Variants in GALK2 observed in about 807,000 individuals in gnomAD.
GALK2 encodes galactokinase 2, also known as N-acetylgalactosamine kinase.
Under a neutral mutation model 52.4 loss-of-function variants are expected in GALK2, and 36 were observed. The ratio of observed to expected loss-of-function variants is 0.69; its 90% CI spans 0.53 to 0.91. The LOEUF (loss-of-function observed/expected upper bound fraction) is 0.91, where lower values mean the gene tolerates loss of function less well. Among genes scored for constraint, GALK2 ranks in the 40% least tolerant of loss-of-function variants. GALK2 has a pLI of 0.00. For synonymous variants in GALK2, 176 were observed against 199.1 expected (o/e 0.88, Z 0.98); for missense variants, 579 against 559.1 (o/e 1.04, Z -0.36).
chr15:49,285,495 T>A (rs764018321), intron 7 of GALK2, among the ~76,000 whole-genome samples: 43 of 152,202 alleles, frequency 2.8e-4, no homozygotes, highest in Non-Finnish European at 5.9e-4. Context: ...CTTCTGTTGG[T>A]CTCATGCCCT....
chr15:49,226,190 C>T (rs768479700), intron 3 of GALK2, among the ~76,000 whole-genome samples: 53 of 152,264 alleles, frequency 3.5e-4, no homozygotes, highest in Middle Eastern at 6.8e-3. Context: ...GCCTACTCTC[C>T]AGGCAGATCC....
intron 7 of GALK2, among the ~76,000 whole-genome samples, chr15:49,289,239 T>C (rs1348133695): frequency 6.6e-6 from 1 of 152,150 alleles, no homozygotes; most frequent in Non-Finnish European, 1.5e-5. Context: ...AGGCACTCAG[T>C]AGACACTCAC....
exon 4 of GALK2, chr15:49,367,586 G>A (rs760190246): frequency 2.5e-6 from 4 of 1,596,574 alleles, no homozygotes; most frequent in Non-Finnish European, 2.6e-6. Context: ...ATTAAACTCT[G>A]GACCAGTACT....
intron 1 of GALK2, chr15:49,177,733 A>G (rs2085578680): frequency 2.5e-6 from 2 of 815,124 alleles, no homozygotes; most frequent in East Asian, 4.6e-5. Flanking sequence ...CAGCCCATGC[A>G]TCACCCTTTG....
chr15:49,265,975 G>A lies in GALK2; in HGVS notation c.505-16012G>A, dbSNP rs548621390. 9.2e-5 allele frequency among the ~76,000 whole-genome samples: 14 copies of A among 152,238 alleles called. No individual in the cohort carries two copies. In the South Asian group the frequency reaches 2.3e-3, roughly 25 times the overall value. ...CTTTTGCTGTGTAACAATTTTTTTC[G>A]AAATATAGTGGCTTAAGACTACCAC... On this transcript the variant is annotated intron_variant, in intron 5 of 9. Coordinates refer to ENST00000560031, the MANE Select transcript of GALK2 (RefSeq NM_002044.4).
intron 3 of GALK2, among the ~76,000 whole-genome samples, chr15:49,222,467 G>A (rs1400788054): frequency 6.6e-6 from 1 of 152,004 alleles, no homozygotes; most frequent in African/African-American, 2.4e-5. Context: ...TCTTTTTTGG[G>A]TTCCAGGTTT....
intron 5 of GALK2, among the ~76,000 whole-genome samples, chr15:49,270,731 A>G (rs2030396652): frequency 6.6e-6 from 1 of 152,232 alleles, no homozygotes; most frequent in Non-Finnish European, 1.5e-5. Flanking sequence ...GTTGACTCGG[A>G]TTATGATTCA....
chr15:49,289,918 A>G (rs923967467), intron 7 of GALK2, among the ~76,000 whole-genome samples: 2 of 152,158 alleles, frequency 1.3e-5, no homozygotes, highest in African/African-American at 4.8e-5. Flanking sequence ...TTTTTTGTCC[A>G]CAGAGCATGG....
intron 5 of GALK2, among the ~76,000 whole-genome samples, chr15:49,260,713 G>A (rs1002469977): frequency 1.3e-5 from 2 of 151,840 alleles, no homozygotes; most frequent in Admixed American, 1.3e-4. Context: ...TAACGTTTAA[G>A]TCTTTAATCC....
intron 5 of GALK2, among the ~76,000 whole-genome samples, chr15:49,262,067 A>T (rs928426192): frequency 1.1e-4 from 17 of 152,134 alleles, no homozygotes; most frequent in African/African-American, 3.6e-4. Context: ...TGACATCAGG[A>T]TGATGCTGGC....
intron 2 of GALK2, among the ~76,000 whole-genome samples, chr15:49,215,137 C>T (rs1401929930): frequency 6.6e-6 from 1 of 152,058 alleles, no homozygotes; most frequent in East Asian, 1.9e-4. Context: ...TTTTCTTTTT[C>T]TGCTTTTAGG....
At chr15:49,281,695 G>A (rs1317634774) in intron 5 of GALK2, among the ~76,000 whole-genome samples, 1 of 152,218 alleles carries the variant, frequency 6.6e-6, no homozygotes. Flanking sequence ...GAAGGATAGA[G>A]TAAATAGAAA....
At chr15:49,236,254 A>G (rs965169671) in intron 4 of GALK2, among the ~76,000 whole-genome samples, 1 of 152,202 alleles carries the variant, frequency 6.6e-6, no homozygotes, top group African/African-American at 2.4e-5. Context: ...TTACATTTAT[A>G]CTTGGGATGT....
chr15:49,263,668 T>A (rs1461901547), intron 5 of GALK2, among the ~76,000 whole-genome samples: 1 of 129,660 alleles, frequency 7.7e-6, no homozygotes, highest in African/African-American at 3.1e-5. Context: ...CTAGTCTCGA[T>A]GGTCTTTACA....
intron 5 of GALK2, among the ~76,000 whole-genome samples, chr15:49,248,525 C>T (rs1208283895): frequency 1.3e-5 from 2 of 152,202 alleles, no homozygotes; most frequent in Non-Finnish European, 2.9e-5. Context: ...CATGTGCTCA[C>T]TGGTACAAAA....
chr15:49,170,122 A>ACC, upstream of GALK2: 18 of 1,256,192 alleles, frequency 1.4e-5, no homozygotes, highest in Non-Finnish European at 1.9e-5. Context: ...CTTGGAGGGA[A>ACC]CCCTGGCTGA....
At chr15:49,173,211 G>A (rs1364431480) in intron 1 of GALK2, among the ~76,000 whole-genome samples, 1 of 152,076 alleles carries the variant, frequency 6.6e-6, no homozygotes, top group East Asian at 1.9e-4. Flanking sequence ...TGTTCTGAAG[G>A]TTCATGTATC....
chr15:49,171,498 T>G (rs976285461), intron 1 of GALK2, among the ~76,000 whole-genome samples: 1 of 152,206 alleles, frequency 6.6e-6, no homozygotes, highest in African/African-American at 2.4e-5. Context: ...GATATTATAC[T>G]TTACTACAAC....
At chr15:49,183,976 T>C (rs879484614) in intron 1 of GALK2, among the ~76,000 whole-genome samples, 2 of 152,196 alleles carry the variant, frequency 1.3e-5, no homozygotes, top group Non-Finnish European at 2.9e-5. Context: ...ATAACTATTA[T>C]TAGGTCCATT....
Sources: allele counts gnomAD v4.1 joint callset (sites outside exome capture counted in the v4.1 genomes callset), GRCh38; gene constraint gnomAD v4.1.1; transcripts MANE v1.5; gene names NCBI Gene and HGNC (gene_info 2026-07-23, HGNC 2026-07-21).